Variants in LOC128092249 observed in about 807,000 individuals in gnomAD.
At chr21:46,326,381 C>G in the LOC128092249 span, 3 of 1,614,148 alleles carry the variant, frequency 1.9e-6, no homozygotes, top group Non-Finnish European at 1.7e-6. Context: ...GCGCAGCTTG[C>G]TCACTTCCGA....
At chr21:46,326,438 C>T in the LOC128092249 span, 2 of 1,614,146 alleles carry the variant, frequency 1.2e-6, no homozygotes, top group Non-Finnish European at 1.7e-6. Flanking sequence ...AAAAAGACGG[C>T]GAAGAGGAAG....
chr21:46,326,420 A>G, the LOC128092249 span: 18 of 1,614,240 alleles, frequency 1.1e-5, no homozygotes, highest in Non-Finnish European at 1.5e-5. Flanking sequence ...GACAGTTCGC[A>G]TTCGGAGAAA....
chr21:46,326,373 G>T, the LOC128092249 span: 8 of 1,613,732 alleles, frequency 5.0e-6, no homozygotes, highest in Admixed American at 1.2e-4. Context: ...ACATTTTTGC[G>T]CAGCTTGCTC....
At chr21:46,326,398 A>G in the LOC128092249 span, 1 of 1,614,228 alleles carries the variant, frequency 6.2e-7, no homozygotes, top group African/African-American at 1.3e-5. Flanking sequence ...CCGACAGAGA[A>G]AAACAAAAGG....
the LOC128092249 span, chr21:46,326,390 G>A: frequency 1.2e-6 from 2 of 1,614,062 alleles, no homozygotes; most frequent in African/African-American, 2.7e-5. Flanking sequence ...GCTCACTTCC[G>A]ACAGAGAAAA....
At chr21:46,326,448 G>GGAGC in the LOC128092249 span, 1 of 1,614,116 alleles carries the variant, frequency 6.2e-7, no homozygotes, top group African/African-American at 1.3e-5. Context: ...CGAAGAGGAA[G>GGAGC]GGCTCGGCTG....
the LOC128092249 span, chr21:46,326,297 A>G: frequency 2.9e-6 from 4 of 1,374,860 alleles, no homozygotes; most frequent in African/African-American, 4.3e-5. Context: ...CATGGTCCCC[A>G]CCAGTCTGTT....
At chr21:46,326,409 T>TGACA in the LOC128092249 span, 1 of 1,614,222 alleles carries the variant, frequency 6.2e-7, no homozygotes, top group African/African-American at 1.3e-5. Flanking sequence ...AAACAAAAGG[T>TGACA]GACAGTTCGC....
chr21:46,326,317 G>T, the LOC128092249 span: 12 of 1,531,946 alleles, frequency 7.8e-6, no homozygotes, highest in Admixed American at 1.7e-4. Flanking sequence ...TGACTTTGTG[G>T]TTCTGTTATT....
chr21:46,326,367 T>G, the LOC128092249 span: 5 of 1,613,940 alleles, frequency 3.1e-6, no homozygotes, highest in African/African-American at 5.3e-5. Flanking sequence ...TTATCTACAT[T>G]TTTGCGCAGC....
the LOC128092249 span, chr21:46,326,310 CTT>C: frequency 2.0e-6 from 3 of 1,490,252 alleles, no homozygotes; most frequent in Non-Finnish European, 2.8e-6. Context: ...AGTCTGTTGA[CTT>C]TGTGGTTCTG....
the LOC128092249 span, chr21:46,326,479 G>A: frequency 6.2e-7 from 1 of 1,614,234 alleles, no homozygotes; most frequent in Non-Finnish European, 8.5e-7. Context: ...TGTCCAGGAG[G>A]AGAGTCCGGT....
chr21:46,326,422 T>G, the LOC128092249 span: 1 of 1,614,212 alleles, frequency 6.2e-7, no homozygotes, highest in Non-Finnish European at 8.5e-7. Context: ...CAGTTCGCAT[T>G]CGGAGAAAAA....
chr21:46,326,411 A>G, the LOC128092249 span: 31 of 1,614,236 alleles, frequency 1.9e-5, 1 homozygote, highest in South Asian at 3.2e-4. Context: ...ACAAAAGGTG[A>G]CAGTTCGCAT....
the LOC128092249 span, chr21:46,326,424 G>C: frequency 5.0e-6 from 8 of 1,614,092 alleles, no homozygotes; most frequent in Admixed American, 1.7e-5. Flanking sequence ...GTTCGCATTC[G>C]GAGAAAAAGA....
the LOC128092249 span, chr21:46,326,396 G>A: frequency 6.2e-7 from 1 of 1,614,188 alleles, no homozygotes; most frequent in East Asian, 2.2e-5. Flanking sequence ...TTCCGACAGA[G>A]AAAAACAAAA....
At chr21:46,326,460 C>T in the LOC128092249 span, 75 of 1,614,072 alleles carry the variant, frequency 4.6e-5, no homozygotes, top group Non-Finnish European at 6.1e-5. Context: ...GCTCGGCTGT[C>T]GATGCGTCTG....
At chr21:46,326,416 TC>T in the LOC128092249 span, 2 of 1,614,230 alleles carry the variant, frequency 1.2e-6, no homozygotes, top group Non-Finnish European at 1.7e-6. Context: ...AGGTGACAGT[TC>T]GCATTCGGAG....
At chr21:46,326,346 G>C in the LOC128092249 span, 3 of 1,606,288 alleles carry the variant, frequency 1.9e-6, no homozygotes, top group Admixed American at 1.7e-5. Context: ...ACTTACCTTT[G>C]CCTTTACTAC....
Sources: allele counts gnomAD v4.1 joint callset, GRCh38; gene constraint gnomAD v4.1.1; transcripts MANE v1.5.